The following TTC6 variants were observed in gnomAD, a reference collection of about 807,000 sequenced individuals.
TTC6 encodes the protein tetratricopeptide repeat domain 6.
A neutral mutation model predicts 210.4 loss-of-function variants in TTC6; 172 were observed. The observed-to-expected ratio is 0.82, with a 90% confidence interval of 0.72 to 0.93. The LOEUF (loss-of-function observed/expected upper bound fraction) is 0.93. Ranked by LOEUF, TTC6 falls within the 40% of genes least tolerant of loss-of-function variation. The pLI, the probability that TTC6 is intolerant of heterozygous loss-of-function variation, is 0.00. For synonymous variants in TTC6, 804 were observed against 819.6 expected (o/e 0.98, Z 0.32); for missense variants, 2,414 against 2,318.1 (o/e 1.04, Z -0.85).
At chr14:37,610,553 G>A (rs968156393) in intron 2 of TTC6, among the ~76,000 whole-genome samples, 10 of 152,134 alleles carry the variant, frequency 6.6e-5, no homozygotes, top group African/African-American at 2.4e-4. Flanking sequence ...TTAAAAAATG[G>A]TGAGATATTA....
intron 2 of TTC6, among the ~76,000 whole-genome samples, chr14:37,609,487 G>T (rs2095630765): frequency 6.6e-6 from 1 of 152,152 alleles, no homozygotes; most frequent in African/African-American, 2.4e-5. Context: ...CTAGCTAGGG[G>T]ACCTCAGGTG....
upstream of TTC6, chr14:37,621,921 G>GC (rs2095651702): frequency 1.8e-6 from 1 of 561,870 alleles, no homozygotes; most frequent in Non-Finnish European, 3.0e-6. Context: ...ACCCGCTTGT[G>GC]CCTCAGGGAG....
intron 26 of TTC6, among the ~76,000 whole-genome samples, chr14:37,818,294 TTATAG>T (rs1341360388): frequency 4.6e-5 from 7 of 152,120 alleles, no homozygotes; most frequent in Admixed American, 4.6e-4. Context: ...TGAAATAATA[TTATAG>T]TATATAGACT....
rs377411501 is a variant in TTC6, at chr14:37,830,225, A to T, written c.5298+2859A>T. ...TGTCAAGAAGCATGATGCAAAACGG[A>T]TTTTCTTTTTCTTAAAAGCAACTTG... On this transcript the variant is annotated intron_variant, in intron 29 of 30. Transcript: ENST00000553443. 6.6e-5 allele frequency among the ~76,000 whole-genome samples: 10 copies of T among 151,990 alleles called. No homozygotes were observed. The East Asian group carries it at 1.9e-3, about 29-fold the overall frequency.
exon 30 of TTC6, chr14:37,841,511 G>T (rs1402888277): frequency 6.3e-7 from 1 of 1,599,998 alleles, no homozygotes; most frequent in African/African-American, 1.4e-5. Context: ...CATGAATCGA[G>T]CTATTACAAA....
intron 1 of TTC6, among the ~76,000 whole-genome samples, chr14:37,653,447 A>T (rs2095716422): frequency 6.6e-6 from 1 of 152,058 alleles, no homozygotes; most frequent in Non-Finnish European, 1.5e-5. Context: ...TTATTTTTAT[A>T]TGTCTCTCCT....
intron 16 of TTC6, among the ~76,000 whole-genome samples, 187 bp downstream of exon 18, chr14:37,791,024 A>G (rs1410292244): frequency 6.6e-6 from 1 of 152,230 alleles, no homozygotes; most frequent in Non-Finnish European, 1.5e-5. Flanking sequence ...CCTGTTCTCA[A>G]CATCTGTTTG....
chr14:37,784,272 C>T lies in TTC6; in HGVS notation c.3267-3196C>T, dbSNP rs539143677. ...TGGGAGTCTAAGTCTCTTTGTAGGTCTCTAAGGACTTGCTTTATGAATCTG... is the reference window on the plus strand; with the variant it reads ...TGGGAGTCTAAGTCTCTTTGTAGGTTTCTAAGGACTTGCTTTATGAATCTG... On this transcript the variant is annotated intron_variant, in intron 14 of 30. Transcript: ENST00000553443. Among the ~76,000 whole-genome samples the T allele has an allele frequency of 3.0e-4, 46 of 152,242 alleles. No homozygotes were observed. The South Asian group carries it at 8.9e-3, about 29-fold the overall frequency.
chr14:37,771,091 G>T (rs1339297461), intron 14 of TTC6, among the ~76,000 whole-genome samples: 3 of 147,304 alleles, frequency 2.0e-5, no homozygotes, highest in East Asian at 2.0e-4. Context: ...ATGAAATTCT[G>T]GGTTGAAAAT....
At chr14:37,695,522 T>A (rs984579734) in intron 3 of TTC6, among the ~76,000 whole-genome samples, 9 of 152,006 alleles carry the variant, frequency 5.9e-5, no homozygotes, top group African/African-American at 2.2e-4. Context: ...GCCTAGCTAA[T>A]TTTGTAGTTT....
intron 2 of TTC6, among the ~76,000 whole-genome samples, chr14:37,615,284 T>C (rs1436041689): frequency 6.6e-6 from 1 of 152,216 alleles, no homozygotes; most frequent in Non-Finnish European, 1.5e-5. Context: ...CTTGAATTTA[T>C]AAATTTGTCT....
intron 1 of TTC6, among the ~76,000 whole-genome samples, chr14:37,630,909 T>G (rs1238964131): frequency 2.9e-4 from 9 of 31,254 alleles, no homozygotes; most frequent in Admixed American, 3.0e-4. Flanking sequence ...CAACCCCTGT[T>G]TTTTTTTTTT....
exon 10 of TTC6, chr14:37,738,858 A>G (rs1566922226): frequency 1.3e-6 from 2 of 1,534,886 alleles, no homozygotes; most frequent in Non-Finnish European, 1.7e-6. Flanking sequence ...AGCAGTATAA[A>G]AGAGGTTATG....
chr14:37,796,262 T>G, intron 18 of TTC6, 32 bp from the exon 21 acceptor site: 1 of 957,982 alleles, frequency 1.0e-6, no homozygotes, highest in Non-Finnish European at 1.6e-6. Flanking sequence ...AATTTTTAGC[T>G]GCTTAGAATC....
At chr14:37,597,533 T>A (rs758827617) in intron 1 of TTC6, among the ~76,000 whole-genome samples, 2 of 120,278 alleles carry the variant, frequency 1.7e-5, no homozygotes, top group African/African-American at 6.7e-5. Flanking sequence ...ACCTACTAAG[T>A]CTCATATTTT....
intron 7 of TTC6, among the ~76,000 whole-genome samples, chr14:37,732,507 A>C (rs2138890439): frequency 6.6e-6 from 1 of 151,518 alleles, no homozygotes; most frequent in East Asian, 2.0e-4. Flanking sequence ...CTTACAATGA[A>C]GTAAGCTAGA....
intron 1 of TTC6, among the ~76,000 whole-genome samples, chr14:37,603,673 C>A (rs745314884): frequency 3.3e-5 from 5 of 152,220 alleles, no homozygotes; most frequent in Non-Finnish European, 5.9e-5. Flanking sequence ...GCAAAGCCTC[C>A]TCAGCGAGGC....
chr14:37,682,783 C>CATGTCAAG lies in TTC6; in HGVS notation c.1076_1077insATGTCAAG (p.Met360CysfsTer15). Reference sequence around the variant, plus strand: ...AGCGTGCATAAGGAACTTTCTGAAACCATGTCAAGTATTCTCCAGATTGAA... The same window carrying CATGTCAAG: ...AGCGTGCATAAGGAACTTTCTGAAACATGTCAAGCATGTCAAGTATTCTCCAGATTGAA... On this transcript the variant is annotated frameshift_variant, in exon 3 of 31. Transcript: ENST00000553443. LOFTEE classifies it high-confidence loss of function. 1 of 1,535,478 alleles carries CATGTCAAG rather than the reference C, an allele frequency of 6.5e-7. No individual in the cohort carries two copies. Among genetic ancestry groups the CATGTCAAG allele is most frequent in the Non-Finnish European group, 8.7e-7 (1 of 1,146,522 alleles).
chr14:37,760,921 T>G (rs2095982484), intron 14 of TTC6, among the ~76,000 whole-genome samples: 1 of 152,138 alleles, frequency 6.6e-6, no homozygotes, highest in Non-Finnish European at 1.5e-5. Flanking sequence ...CAGCGAGAAT[T>G]TCAAGCCAGT....
Sources: allele counts gnomAD v4.1 joint callset (sites outside exome capture counted in the v4.1 genomes callset), GRCh38; gene constraint gnomAD v4.1.1; transcripts MANE v1.5; gene names NCBI Gene and HGNC (gene_info 2026-07-23, HGNC 2026-07-21).